Variants in SMCHD1 observed in about 807,000 individuals in gnomAD.
SMCHD1 encodes structural maintenance of chromosomes flexible hinge domain-containing protein 1.
In SMCHD1, 78 loss-of-function variants were observed where a neutral mutation model predicts 254.7. That is an observed-to-expected ratio of 0.31 (90% confidence interval 0.26 to 0.37). The LOEUF (loss-of-function observed/expected upper bound fraction) is 0.37, where lower values mean the gene tolerates loss of function less well. Among genes scored for constraint, SMCHD1 ranks in the 10% least tolerant of loss-of-function variants. The pLI is 1.00. For missense variants in SMCHD1, 1,840 were observed against 2,408.1 expected, an observed-to-expected ratio of 0.76 and a Z score of 4.94; for synonymous variants, 766 against 794.9, an observed-to-expected ratio of 0.96 and a Z score of 0.61.
chr18:2,784,438 T>G lies in SMCHD1; in HGVS notation c.5548-12T>G. 1.3e-6 allele frequency: 2 copies of G among 1,594,644 alleles called. No individual in the cohort carries two copies. Among genetic ancestry groups the G allele is most frequent in the Non-Finnish European group, 1.7e-6 (2 of 1,171,816 alleles). On this transcript the variant is annotated splice_polypyrimidine_tract_variant and intron_variant, in intron 44 of 47. Coordinates refer to ENST00000320876, the MANE Select transcript of SMCHD1 (RefSeq NM_015295.3). The stretch of plus-strand genomic sequence containing the variant: ...AGTTGCTCACTACTTACTATTCACT[T>G]ATTTACAATAGGTTGTTAAAATTAC...
At chr18:2,726,359 A>G in intron 21 of SMCHD1, 93 bp from the exon 22 acceptor site, 1 of 661,906 alleles carries the variant, frequency 1.5e-6, no homozygotes, top group Non-Finnish European at 2.4e-6. Flanking sequence ...ATGGTATGAA[A>G]ATAAAACCAA....
chr18:2,685,963 ACCCAC>A (rs2074042332), intron 5 of SMCHD1, among the ~76,000 whole-genome samples: 1 of 152,172 alleles, frequency 6.6e-6, no homozygotes, highest in Non-Finnish European at 1.5e-5. Context: ...GTTTATGTTT[ACCCAC>A]ATATTTACCA....
At chr18:2,769,360 A>G (rs113138664) in intron 37 of SMCHD1, among the ~76,000 whole-genome samples, 133 of 152,302 alleles carry the variant, frequency 8.7e-4, no homozygotes, top group African/African-American at 3.1e-3. Flanking sequence ...GTTAGAATCA[A>G]GAAGATTTTA....
At chr18:2,669,524 C>T (rs1300308635) in intron 3 of SMCHD1, among the ~76,000 whole-genome samples, 1 of 152,138 alleles carries the variant, frequency 6.6e-6, no homozygotes, top group Admixed American at 6.5e-5. Flanking sequence ...TCTTCTCTCC[C>T]CACCTTATTA....
chr18:2,734,871 C>T (rs2075216330), intron 25 of SMCHD1, among the ~76,000 whole-genome samples: 1 of 151,744 alleles, frequency 6.6e-6, no homozygotes, highest in Admixed American at 6.6e-5. Context: ...AGTTCAAGAC[C>T]AGCCTGGCCA....
intron 5 of SMCHD1, among the ~76,000 whole-genome samples, chr18:2,679,741 C>G (rs75477663): frequency 6.6e-6 from 1 of 152,110 alleles, no homozygotes; most frequent in East Asian, 1.9e-4. Flanking sequence ...CATTGAGCTT[C>G]TCGGATATAT....
chr18:2,730,776 A>T (rs560407846), intron 24 of SMCHD1, among the ~76,000 whole-genome samples: 2 of 152,338 alleles, frequency 1.3e-5, no homozygotes, highest in South Asian at 2.1e-4. Context: ...TGGATACAAG[A>T]TGTCTTTTAC....
At chr18:2,726,342 T>A in intron 21 of SMCHD1, 110 bp from the exon 22 acceptor site, 1 of 547,054 alleles carries the variant, frequency 1.8e-6, no homozygotes, top group Non-Finnish European at 3.1e-6. Flanking sequence ...GGTAAGTAAT[T>A]TCTACAATGG....
intron 44 of SMCHD1, among the ~76,000 whole-genome samples, chr18:2,784,080 A>C (rs1287710796): frequency 2.0e-5 from 3 of 152,188 alleles, no homozygotes; most frequent in Non-Finnish European, 2.9e-5. Flanking sequence ...TCCTTTGGTC[A>C]TCTAAAAAAC....
intron 5 of SMCHD1, among the ~76,000 whole-genome samples, chr18:2,686,326 A>T (rs773308396): frequency 2.0e-5 from 3 of 152,216 alleles, no homozygotes; most frequent in Non-Finnish European, 4.4e-5. Context: ...CAGACTTGGG[A>T]TGCTCAGGTG....
chr18:2,699,430 C>T (rs1044022162), intron 10 of SMCHD1, among the ~76,000 whole-genome samples: 4 of 152,172 alleles, frequency 2.6e-5, no homozygotes, highest in Non-Finnish European at 4.4e-5. Context: ...GTCTCTGCCT[C>T]CCAGGTTCAA....
At chr18:2,680,471 G>A (rs1053260963) in intron 5 of SMCHD1, among the ~76,000 whole-genome samples, 6 of 152,196 alleles carry the variant, frequency 3.9e-5, no homozygotes, top group African/African-American at 1.4e-4. Context: ...GAACCACTAA[G>A]TCTCCCAGCT....
In SMCHD1 at chr18:2,688,445, T is replaced by C. The variant is rs751723424; in HGVS notation, c.690T>C (p.Ser230=). 37 of 1,613,912 alleles carry C rather than the reference T, an allele frequency of 2.3e-5. No individual in the cohort carries two copies. Among genetic ancestry groups the C allele is most frequent in the Middle Eastern group, 1.6e-4 (1 of 6,062 alleles). ...TACCAGTGCCACGCAGTTTAAATAG[T>C]GATATTTCCTATTTTGGTGTTGGGG... The part of the protein sequence containing the change: ...RPVPVPRSLN[S]DISYFGVGGK... The change falls in exon 6 of 48, where the codon AGT becomes AGC. Residue 230 remains serine (S), a synonymous_variant. Transcript: ENST00000320876.
At chr18:2,699,575 G>A (rs1453143394) in intron 10 of SMCHD1, among the ~76,000 whole-genome samples, 1 of 152,154 alleles carries the variant, frequency 6.6e-6, no homozygotes, top group Non-Finnish European at 1.5e-5. Context: ...TCTGAGCTCA[G>A]GTAATCCTCC....
chr18:2,668,356 C>T (rs1420924239), intron 3 of SMCHD1, among the ~76,000 whole-genome samples: 2 of 152,110 alleles, frequency 1.3e-5, no homozygotes, highest in African/African-American at 4.8e-5. Flanking sequence ...TGAGCGTTGT[C>T]TCATTTACTC....
chr18:2,742,763 A>G (rs1164440527), intron 28 of SMCHD1, among the ~76,000 whole-genome samples: 2 of 151,966 alleles, frequency 1.3e-5, no homozygotes, highest in Non-Finnish European at 2.9e-5. Context: ...TGTAGCTTCA[A>G]CCTCCTGGGC....
chr18:2,748,366 G>GTGTGTGTGTGTGTA (rs2075500741), intron 30 of SMCHD1, among the ~76,000 whole-genome samples: 1 of 35,818 alleles, frequency 2.8e-5, no homozygotes, highest in African/African-American at 8.7e-5. Context: ...GTGTGTGTGT[G>GTGTGTGTGTGTGTA]TGTGTGTGTG....
intron 23 of SMCHD1, 112 bp from the exon 24 acceptor site, chr18:2,729,163 T>C: frequency 1.2e-6 from 1 of 836,078 alleles, no homozygotes; most frequent in Non-Finnish European, 1.7e-6. Context: ...AGAATTTTCT[T>C]ATTCATTGCC....
At chr18:2,681,315 A>T (rs559159760) in intron 5 of SMCHD1, among the ~76,000 whole-genome samples, 33 of 151,376 alleles carry the variant, frequency 2.2e-4, no homozygotes, top group Non-Finnish European at 4.1e-4. Flanking sequence ...CAGGAGGCTG[A>T]GACAGGAGAG....
Sources: gnomAD v4.1 joint callset for allele counts (sites outside exome capture counted in the v4.1 genomes callset) on GRCh38, gnomAD v4.1.1 for gene constraint, MANE v1.5 for transcripts, NCBI Gene and HGNC (gene_info 2026-07-23, HGNC 2026-07-21) for gene names.